The following MEAK7 variants were observed in gnomAD, a reference collection of about 807,000 sequenced individuals.
MEAK7 encodes the protein MTOR-associated protein MEAK7.
Under a neutral mutation model 40.5 loss-of-function variants are expected in MEAK7, and 68 were observed. The observed-to-expected ratio is 1.68, with a 90% CI of 1.38 to 2.06. The LOEUF is 2.06. Ranked by LOEUF, MEAK7 falls within the 30% of genes most tolerant of loss-of-function variation. The pLI is 0.00. For synonymous variants in MEAK7, 338 were observed against 231.9 expected (o/e 1.46, Z -4.16); for missense variants, 918 against 580.5 (o/e 1.58, Z -5.98).
chr16:84,482,984 T>A (rs1912712062), intron 5 of MEAK7, among the ~76,000 whole-genome samples: 1 of 152,168 alleles, frequency 6.6e-6, no homozygotes, highest in African/African-American at 2.4e-5. Context: ...CACTGTCTGC[T>A]GGAATCAGTT....
chr16:84,489,277 C>A lies in MEAK7; in HGVS notation c.529+1G>T. On this transcript the variant is annotated splice_donor_variant, in intron 4 of 7. Transcript: ENST00000343629. LOFTEE classifies it high-confidence loss of function. ...GCATCACCGCGTCCACGCACACTTG[C>A]CTTGCAGCTTCATGTCAGAGAGCAG... 1 of 1,613,944 alleles carries A rather than the reference C, an allele frequency of 6.2e-7. No individual in the cohort carries two copies. The highest frequency in any genetic ancestry group is 8.5e-7 in the Non-Finnish European group (1 of 1,179,914).
At chr16:84,482,123 G>C (rs949066045) in intron 6 of MEAK7, among the ~76,000 whole-genome samples, 2 of 151,904 alleles carry the variant, frequency 1.3e-5, no homozygotes, top group African/African-American at 4.8e-5. Flanking sequence ...CCTGCTTCCT[G>C]TGCCATGTCA....
intron 1 of MEAK7, among the ~76,000 whole-genome samples, chr16:84,499,165 C>T (rs1384270565): frequency 6.6e-6 from 1 of 152,136 alleles, no homozygotes; most frequent in East Asian, 1.9e-4. Flanking sequence ...TGTCACAAAC[C>T]TCATTATAGG....
intron 2 of MEAK7, chr16:84,497,299 T>C (rs942299859): frequency 4.0e-6 from 3 of 753,266 alleles, no homozygotes; most frequent in South Asian, 1.8e-5. Flanking sequence ...GAGAGCCCCA[T>C]GGAACGGGGA....
intron 5 of MEAK7, 168 bp downstream of exon 5, chr16:84,486,463 G>C (rs1597934853): frequency 1.4e-6 from 2 of 1,419,702 alleles, no homozygotes; most frequent in East Asian, 2.5e-5. Flanking sequence ...ACTCTGATGT[G>C]ATAAACACCA....
At chr16:84,480,773 C>T in intron 6 of MEAK7, 65 bp from the exon 7 acceptor site, 1 of 1,500,916 alleles carries the variant, frequency 6.7e-7, no homozygotes, top group Non-Finnish European at 8.9e-7. Flanking sequence ...ACATCAAATA[C>T]CACAAGCCAG....
At chr16:84,491,544 A>T (rs1913607905) in intron 3 of MEAK7, among the ~76,000 whole-genome samples, 1 of 150,804 alleles carries the variant, frequency 6.6e-6, no homozygotes, top group Non-Finnish European at 1.5e-5. Context: ...GTCTTAAAAA[A>T]AAAAAAAAAA....
chr16:84,503,534 G>A (rs1195848871), intron 1 of MEAK7, among the ~76,000 whole-genome samples: 1 of 152,108 alleles, frequency 6.6e-6, no homozygotes, highest in African/African-American at 2.4e-5. Flanking sequence ...CATTGCAATG[G>A]TCTTCAATAA....
At chr16:84,501,105 G>GAAAAAAAAAAAAAAA (rs35447624) in intron 1 of MEAK7, among the ~76,000 whole-genome samples, 1 of 103,638 alleles carries the variant, frequency 9.6e-6, no homozygotes, top group Non-Finnish European at 1.8e-5. Context: ...AAAAAAAAAA[G>GAAAAAAAAAAAAAAA]AAAAAAAAAA....
At position 84,485,624 on chromosome 16, in the gene MEAK7, C is replaced by G. The variant is rs184572849; in HGVS notation, c.958+1007G>C. 5.6e-5 allele frequency among the ~76,000 whole-genome samples: 8 copies of G among 143,274 alleles called. No individual in the cohort carries two copies. In the Admixed American group the frequency reaches 5.8e-4, roughly 10 times the overall value. 94.0% of individuals were successfully genotyped at this position (143,274 alleles called of 152,430 possible). A position where few individuals can be genotyped will look rare whatever the true frequency, so the allele number is the denominator to read the frequency against. On this transcript the variant is annotated intron_variant, in intron 5 of 7. Coordinates refer to ENST00000343629, the MANE Select transcript of MEAK7 (RefSeq NM_020947.4). ...ATGGGCGACGCATCTGTAAACATTT[C>G]AAAAACTATCTATCTATCCATCCAT...
intron 6 of MEAK7, among the ~76,000 whole-genome samples, chr16:84,481,716 G>A (rs1172370434): frequency 2.6e-5 from 4 of 152,124 alleles, no homozygotes; most frequent in Non-Finnish European, 5.9e-5. Flanking sequence ...GGTGGATCAC[G>A]AGGTCAGGAG....
intron 1 of MEAK7, among the ~76,000 whole-genome samples, chr16:84,501,358 A>C: frequency 6.6e-6 from 1 of 152,208 alleles, no homozygotes; most frequent in East Asian, 1.9e-4. Context: ...GGGCTGCAGC[A>C]GAAGGGGGCC....
Position 84,501,857 on chromosome 16 carries a change from G to A in MEAK7, c.-26+2744C>T, listed in dbSNP as rs185962076. The stretch of plus-strand genomic sequence containing the variant: ...AGAGCCCCGTGCCAGGCAAGATAAA[G>A]AAATGGCAATGGTGTGGTGGCTCAC... On this transcript the variant is annotated intron_variant, in intron 1 of 7. Transcript: ENST00000343629. Among the ~76,000 whole-genome samples the A allele has an allele frequency of 1.8e-4, 28 of 152,298 alleles. No individual in the cohort carries two copies. In the East Asian group the frequency reaches 4.6e-3, roughly 25 times the overall value.
At chr16:84,497,460 TG>T in intron 2 of MEAK7, 1 of 1,289,854 alleles carries the variant, frequency 7.8e-7, no homozygotes, top group South Asian at 1.2e-5. Flanking sequence ...TCATGGTTCC[TG>T]GACCGACGAG....
intron 6 of MEAK7, among the ~76,000 whole-genome samples, chr16:84,481,413 C>A (rs571612511): frequency 1.3e-5 from 2 of 152,308 alleles, no homozygotes; most frequent in African/African-American, 2.4e-5. Context: ...CAATGACGAG[C>A]GATGACCGGG....
intron 6 of MEAK7, among the ~76,000 whole-genome samples, chr16:84,481,058 A>C (rs1264525076): frequency 7.8e-6 from 1 of 127,600 alleles, no homozygotes; most frequent in African/African-American, 2.6e-5. Context: ...CAGTTAAGAT[A>C]AGGGGAGAGG....
intron 3 of MEAK7, among the ~76,000 whole-genome samples, chr16:84,490,686 GTGTGTGTGTA>G (rs1287596087): frequency 6.7e-6 from 1 of 150,114 alleles, no homozygotes; most frequent in Non-Finnish European, 1.5e-5. Flanking sequence ...GTGTGTGTGT[GTGTGTGTGTA>G]TTTAAAGGGA....
chr16:84,490,413 T>C (rs1490340984), intron 3 of MEAK7, among the ~76,000 whole-genome samples: 1 of 138,716 alleles, frequency 7.2e-6, no homozygotes, highest in Non-Finnish European at 1.5e-5. Context: ...CGGCCCACAC[T>C]CTCGCTGGGC....
chr16:84,493,886 T>A (rs1171609844), intron 3 of MEAK7, among the ~76,000 whole-genome samples: 1 of 152,134 alleles, frequency 6.6e-6, no homozygotes, highest in Non-Finnish European at 1.5e-5. Flanking sequence ...AGGGTCCTGA[T>A]CTGTAAGTAA....
Sources: allele counts gnomAD v4.1 joint callset (sites outside exome capture counted in the v4.1 genomes callset), GRCh38; gene constraint gnomAD v4.1.1; transcripts MANE v1.5; gene names NCBI Gene and HGNC (gene_info 2026-07-23, HGNC 2026-07-21).